The following PIP4K2A variants were observed in gnomAD, a reference collection of about 807,000 sequenced individuals.
The protein encoded by PIP4K2A is phosphatidylinositol-5-phosphate 4-kinase type 2 alpha, also known as phosphatidylinositol 5-phosphate 4-kinase type-2 alpha.
PIP4K2A carries 14 observed loss-of-function variants against 42.9 expected under a neutral mutation model. The ratio of observed to expected loss-of-function variants is 0.33; its 90% CI spans 0.22 to 0.51. PIP4K2A has a LOEUF of 0.51. Among genes scored for constraint, PIP4K2A ranks in the 20% least tolerant of loss-of-function variants. PIP4K2A has a pLI of 0.97. For synonymous variants in PIP4K2A, 192 were observed against 192.2 expected, an observed-to-expected ratio of 1.00 and a Z score of 0.01; for missense variants, 434 against 519.8, an observed-to-expected ratio of 0.83 and a Z score of 1.61.
At position 22,537,143 on chromosome 10, in the gene PIP4K2A, A is replaced by G. The variant is rs1330219564; in HGVS notation, c.*58T>C. On this transcript the variant is annotated 3_prime_UTR_variant, in exon 10 of 10. Transcript: ENST00000376573. ...ACTGAGTTTGGTTTTCATTTTTCCTACACCGAAGCCACCTCTGTCCATCCA... is the reference window on the plus strand; with the variant it reads ...ACTGAGTTTGGTTTTCATTTTTCCTGCACCGAAGCCACCTCTGTCCATCCA... 2.9e-6 allele frequency: 4 copies of G among 1,356,246 alleles called. No individual in the cohort carries two copies. Among genetic ancestry groups the G allele is most frequent in the African/African-American group, 2.9e-5 (2 of 68,314 alleles). 84.0% of individuals were successfully genotyped at this position (1,356,246 alleles called of 1,614,324 possible).
rs140247727 is a variant in PIP4K2A, at chr10:22,675,283, C to G, written c.144+38900G>C. 1.4e-3 allele frequency among the ~76,000 whole-genome samples: 219 copies of G among 152,142 alleles called. 1 individual carries two copies. The highest frequency in any genetic ancestry group is 5.1e-3 in the African/African-American group (210 of 41,492). ...ATATTACCTGATACTTTTGCTTTAT[C>G]TCTTAGAACATTGTTGAGGAGAAGC... On this transcript the variant is annotated intron_variant, in intron 1 of 9. Coordinates refer to ENST00000376573, the MANE Select transcript of PIP4K2A (RefSeq NM_005028.5).
chr10:22,645,169 C>T (rs953167628), intron 1 of PIP4K2A, among the ~76,000 whole-genome samples: 3 of 152,098 alleles, frequency 2.0e-5, no homozygotes, highest in Admixed American at 1.3e-4. Flanking sequence ...ATTTTGAAAA[C>T]GCAATTTTTT....
intron 1 of PIP4K2A, among the ~76,000 whole-genome samples, chr10:22,664,139 A>ATACATATATATATATACATATATATG (rs1839284664): frequency 4.5e-5 from 2 of 44,196 alleles, no homozygotes; most frequent in South Asian, 1.1e-3. Context: ...ACATATATAT[A>ATACATATATATATATACATATATATG]TACATATATA....
intron 1 of PIP4K2A, among the ~76,000 whole-genome samples, chr10:22,686,239 A>G (rs532832008): frequency 6.6e-6 from 1 of 152,364 alleles, no homozygotes; most frequent in South Asian, 2.1e-4. Context: ...TTGAACTCCT[A>G]GATAGTTGTT....
chr10:22,702,262 C>A (rs1833729073), intron 1 of PIP4K2A, among the ~76,000 whole-genome samples: 1 of 152,088 alleles, frequency 6.6e-6, no homozygotes, highest in Non-Finnish European at 1.5e-5. Context: ...AGAAAAAGAC[C>A]CACAAAGGAC....
intron 1 of PIP4K2A, among the ~76,000 whole-genome samples, chr10:22,692,694 C>T (rs1839897097): frequency 6.6e-6 from 1 of 152,202 alleles, no homozygotes; most frequent in Non-Finnish European, 1.5e-5. Context: ...GCCCCACTTA[C>T]GGCCTTCCCT....
intron 3 of PIP4K2A, 168 bp downstream of exon 3, chr10:22,607,759 T>C (rs1250481277): frequency 1.9e-6 from 1 of 517,894 alleles, no homozygotes; most frequent in Non-Finnish European, 3.5e-6. Flanking sequence ...AGGTCCCCAA[T>C]CAAGAGAACA....
In PIP4K2A at chr10:22,695,620, T is replaced by C. The variant is rs142495005; in HGVS notation, c.144+18563A>G. Among the ~76,000 whole-genome samples the C allele has an allele frequency of 2.3e-3, 355 of 152,294 alleles. 1 individual carries two copies. Among genetic ancestry groups the C allele is most frequent in the African/African-American group, 8.3e-3 (344 of 41,568 alleles). On this transcript the variant is annotated intron_variant, in intron 1 of 9. Transcript: ENST00000376573. ...CTGCCTCACTGAATTCAATATACAG[T>C]CTTCCCTTGGTATCTTTGGGGGATT...
At chr10:22,607,480 C>A (rs1159142773) in intron 3 of PIP4K2A, among the ~76,000 whole-genome samples, 5 of 152,092 alleles carry the variant, frequency 3.3e-5, no homozygotes, top group African/African-American at 7.2e-5. Flanking sequence ...AAAAATGCTG[C>A]AGCAAGAGTC....
chr10:22,631,528 T>G (rs748206643), intron 1 of PIP4K2A, among the ~76,000 whole-genome samples: 20 of 152,290 alleles, frequency 1.3e-4, no homozygotes, highest in Admixed American at 6.5e-4. Flanking sequence ...CTTCCAGAAC[T>G]GGGAGATAAT....
At chr10:22,702,538 C>T (rs1318118631) in intron 1 of PIP4K2A, among the ~76,000 whole-genome samples, 1 of 152,210 alleles carries the variant, frequency 6.6e-6, no homozygotes, top group East Asian at 1.9e-4. Context: ...CCTTTTCTGT[C>T]GTGTTCACAA....
At chr10:22,573,673 G>T (rs1329757086) in intron 4 of PIP4K2A, among the ~76,000 whole-genome samples, 1 of 152,210 alleles carries the variant, frequency 6.6e-6, no homozygotes, top group Non-Finnish European at 1.5e-5. Flanking sequence ...TCTCCAAACA[G>T]ATTTTTTTCC....
In PIP4K2A at chr10:22,707,654, C is replaced by T. The variant is rs866339535; in HGVS notation, c.144+6529G>A. ...CCAGGCAGCACAGCTCAGTGGTTAA[C>T]GGTACCGTTGTGAATCCCAAGTACT... On this transcript the variant is annotated intron_variant, in intron 1 of 9. Transcript: ENST00000376573. 9.2e-5 allele frequency among the ~76,000 whole-genome samples: 14 copies of T among 152,304 alleles called. 1 individual carries two copies. The South Asian group carries it at 1.7e-3, about 18-fold the overall frequency.
intron 1 of PIP4K2A, among the ~76,000 whole-genome samples, chr10:22,651,407 T>C (rs1200253564): frequency 6.6e-6 from 1 of 152,216 alleles, no homozygotes; most frequent in Non-Finnish European, 1.5e-5. Flanking sequence ...TCCCCAACTC[T>C]ATGCCCTGTG....
At chr10:22,634,631 C>T (rs1039589395) in intron 1 of PIP4K2A, among the ~76,000 whole-genome samples, 1 of 152,172 alleles carries the variant, frequency 6.6e-6, no homozygotes, top group African/African-American at 2.4e-5. Flanking sequence ...AAGAAGGATG[C>T]ACTTATGTAT....
intron 1 of PIP4K2A, among the ~76,000 whole-genome samples, chr10:22,663,510 T>C (rs1447040744): frequency 1.3e-5 from 2 of 152,194 alleles, no homozygotes; most frequent in Non-Finnish European, 2.9e-5. Context: ...AAGAACAAAT[T>C]ATATATTATA....
chr10:22,671,054 G>C (rs1390731424), intron 1 of PIP4K2A, among the ~76,000 whole-genome samples: 1 of 152,134 alleles, frequency 6.6e-6, no homozygotes, highest in African/African-American at 2.4e-5. Context: ...GTACCCAAGA[G>C]ACACTGTGGT....
chr10:22,698,415 A>G (rs535563963), intron 1 of PIP4K2A, among the ~76,000 whole-genome samples: 2 of 152,340 alleles, frequency 1.3e-5, no homozygotes, highest in African/African-American at 4.8e-5. Flanking sequence ...AAGAGCCTTA[A>G]AATATTCATA....
chr10:22,547,812 T>TG (rs1588616973), intron 7 of PIP4K2A, among the ~76,000 whole-genome samples: 1 of 152,290 alleles, frequency 6.6e-6, no homozygotes, highest in East Asian at 1.9e-4. Flanking sequence ...GTGTGTGTGT[T>TG]TGTGTGCAGA....
Sources: gnomAD v4.1 joint callset for allele counts (sites outside exome capture counted in the v4.1 genomes callset) on GRCh38, gnomAD v4.1.1 for gene constraint, MANE v1.5 for transcripts, NCBI Gene and HGNC (gene_info 2026-07-23, HGNC 2026-07-21) for gene names.